Variants in COL19A1 observed in about 807,000 individuals in gnomAD.
COL19A1 encodes the protein collagen type XIX alpha 1 chain, also known as collagen alpha-1(XIX) chain.
COL19A1 carries 159 observed loss-of-function variants against 190.2 expected under a neutral mutation model. That is an observed-to-expected ratio of 0.84 (90% CI 0.73 to 0.95). The LOEUF is 0.95. Among genes scored for constraint, COL19A1 ranks in the 40% least tolerant of loss-of-function variants. The pLI, the probability that COL19A1 is intolerant of heterozygous loss-of-function variation, is 0.00. For missense variants in COL19A1, 1,418 were observed against 1,431.9 expected, an observed-to-expected ratio of 0.99 and a Z score of 0.16; for synonymous variants, 509 against 458.9, an observed-to-expected ratio of 1.11 and a Z score of -1.39.
At chr6:70,195,573 A>T (rs1046586261) in intron 48 of COL19A1, among the ~76,000 whole-genome samples, 1 of 152,140 alleles carries the variant, frequency 6.6e-6, no homozygotes. Flanking sequence ...CAGACTACTT[A>T]CCCTTTTAAG....
intron 16 of COL19A1, among the ~76,000 whole-genome samples, chr6:70,117,793 A>G (rs1784665679): frequency 6.6e-6 from 1 of 152,214 alleles, no homozygotes; most frequent in African/African-American, 2.4e-5. Flanking sequence ...AAATCTCCGT[A>G]AAAAACAGAC....
intron 11 of COL19A1, among the ~76,000 whole-genome samples, chr6:69,999,870 T>C (rs1481655924): frequency 6.6e-6 from 1 of 152,206 alleles, no homozygotes; most frequent in African/African-American, 2.4e-5. Context: ...TATGTATTTT[T>C]TTAATTTTAA....
At chr6:69,901,560 C>G (rs1770190961) in intron 4 of COL19A1, among the ~76,000 whole-genome samples, 2 of 152,178 alleles carry the variant, frequency 1.3e-5, no homozygotes, top group Non-Finnish European at 2.9e-5. Flanking sequence ...GCTACAGCTG[C>G]CGCTGTTTGG....
chr6:69,984,328 G>C (rs1470191402), intron 11 of COL19A1, among the ~76,000 whole-genome samples: 1 of 151,872 alleles, frequency 6.6e-6, no homozygotes, highest in Non-Finnish European at 1.5e-5. Flanking sequence ...CATATTTTTA[G>C]TTTTACCTTG....
intron 34 of COL19A1, among the ~76,000 whole-genome samples, chr6:70,157,859 C>T (rs1178872198): frequency 6.6e-6 from 1 of 152,030 alleles, no homozygotes; most frequent in African/African-American, 2.4e-5. Flanking sequence ...ACAAAAAGAT[C>T]AGGAAATAAT....
intron 16 of COL19A1, among the ~76,000 whole-genome samples, chr6:70,119,812 C>T (rs1390905555): frequency 3.9e-5 from 6 of 152,170 alleles, no homozygotes; most frequent in South Asian, 4.1e-4. Context: ...TGCTATTGGC[C>T]GGGCCCGCTG....
rs1273225143 is a variant in COL19A1, at chr6:70,188,110, A to C, written c.2892A>C (p.Gln964His). ...GGATTCCAGGAGACAGAGGCTCACA[A>C]GGTGAACGGGGAAAACCAGGCCTTA... ...DQGIPGDRGS[Q>H]GERGKPGLTG... is the part of the protein sequence containing the mutation. Residue 964 changes from glutamine to histidine, a missense_variant, in exon 47 of 51, where the codon CAA (glutamine) becomes CAC (histidine). Gln to His is a conservative substitution (Grantham distance 24). Transcript: ENST00000620364. The C allele has an allele frequency of 2.0e-5, 33 of 1,613,546 alleles. No individual in the cohort carries two copies. In the Admixed American group the frequency reaches 5.5e-4, roughly 27 times the overall value.
chr6:69,980,860 T>C (rs1285130502), intron 11 of COL19A1, among the ~76,000 whole-genome samples: 1 of 152,234 alleles, frequency 6.6e-6, no homozygotes, highest in Non-Finnish European at 1.5e-5. Context: ...CTGGATGTGA[T>C]TCAAGGACAA....
Position 70,184,914 on chromosome 6 carries a change from G to C in COL19A1, c.2855G>C (p.Arg952Pro). The part of the protein sequence containing the change: ...KPGDRGPKGE[R>P]GDQGIPGDRG... ...GGAGACAGAGGCCCCAAAGGAGAAC[G>C]TGTATGTATATTACTATTGTGATTG... is the stretch of plus-strand genomic sequence containing the variant. The change falls in exon 46 of 51, where the codon CGT (arginine) becomes CCT (proline). Residue 952 changes from arginine to proline, a missense_variant and splice_region_variant. Arg to Pro is a moderately radical substitution (Grantham distance 103). Transcript: ENST00000620364. The C allele has an allele frequency of 1.2e-6, 2 of 1,611,988 alleles. No homozygotes were observed. The highest frequency in any genetic ancestry group is 2.2e-5 in the South Asian group (2 of 90,860).
intron 4 of COL19A1, among the ~76,000 whole-genome samples, chr6:69,925,017 T>G (rs984735162): frequency 1.3e-5 from 2 of 152,224 alleles, no homozygotes; most frequent in Admixed American, 6.5e-5. Flanking sequence ...TGCAAAAATT[T>G]TCTCTGATTC....
chr6:69,908,738 C>T (rs1412616846), intron 4 of COL19A1, among the ~76,000 whole-genome samples: 2 of 152,050 alleles, frequency 1.3e-5, no homozygotes, highest in Non-Finnish European at 2.9e-5. Context: ...TGATTTTGCT[C>T]TTTCAGATTT....
chr6:70,120,734 T>A (rs1022852147), intron 16 of COL19A1, among the ~76,000 whole-genome samples: 1 of 152,206 alleles, frequency 6.6e-6, no homozygotes, highest in African/African-American at 2.4e-5. Flanking sequence ...TAAGTATCCA[T>A]CACCTCATTC....
At chr6:70,072,999 A>AT (rs752756329) in intron 15 of COL19A1, among the ~76,000 whole-genome samples, 15 of 139,830 alleles carry the variant, frequency 1.1e-4, no homozygotes, top group Non-Finnish European at 1.9e-4. Context: ...TTATTTATTT[A>AT]TTATTGAGAG....
chr6:70,161,189 T>C lies in COL19A1; in HGVS notation c.2293-711T>C, dbSNP rs531705443. Reference sequence around the variant, plus strand: ...AATTTAAATTCACCAGTGAGCCAAATTTCTTCTTATAATAAACTGACAAGC... The same window carrying C: ...AATTTAAATTCACCAGTGAGCCAAACTTCTTCTTATAATAAACTGACAAGC... On this transcript the variant is annotated intron_variant, in intron 34 of 50. Transcript: ENST00000620364. Among the ~76,000 whole-genome samples, 23 of 152,304 alleles carry C rather than the reference T, an allele frequency of 1.5e-4. No individual in the cohort carries two copies. The East Asian group carries it at 4.4e-3, about 29-fold the overall frequency.
intron 31 of COL19A1, among the ~76,000 whole-genome samples, chr6:70,154,618 G>T (rs1161746486): frequency 6.6e-6 from 1 of 152,166 alleles, no homozygotes; most frequent in African/African-American, 2.4e-5. Flanking sequence ...TGATTACAAG[G>T]TAAAGTCTGA....
At chr6:69,985,466 G>A (rs1451132930) in intron 11 of COL19A1, among the ~76,000 whole-genome samples, 2 of 152,064 alleles carry the variant, frequency 1.3e-5, no homozygotes, top group East Asian at 1.9e-4. Context: ...TTTTCAGTCA[G>A]GTCTATTGAA....
At chr6:69,899,834 C>A (rs1409898458) in intron 3 of COL19A1, among the ~76,000 whole-genome samples, 1 of 152,108 alleles carries the variant, frequency 6.6e-6, no homozygotes, top group Non-Finnish European at 1.5e-5. Context: ...CATCAATACA[C>A]ATTTCTTTAA....
chr6:70,183,547 G>C (rs2150289203), intron 44 of COL19A1, among the ~76,000 whole-genome samples: 1 of 152,318 alleles, frequency 6.6e-6, no homozygotes, highest in Middle Eastern at 3.4e-3. Flanking sequence ...TGACACAGCT[G>C]TTTCTTTCAC....
intron 11 of COL19A1, among the ~76,000 whole-genome samples, chr6:69,973,380 A>G (rs1775536858): frequency 3.3e-5 from 5 of 151,822 alleles, no homozygotes; most frequent in Admixed American, 3.3e-4. Context: ...TTTCTTTTTC[A>G]TTTGTTTGAC....
Sources: gnomAD v4.1 joint callset for allele counts (sites outside exome capture counted in the v4.1 genomes callset) on GRCh38, gnomAD v4.1.1 for gene constraint, MANE v1.5 for transcripts, NCBI Gene and HGNC (gene_info 2026-07-23, HGNC 2026-07-21) for gene names.